The following CHST15 variants were observed in gnomAD, a reference collection of about 807,000 sequenced individuals.
CHST15 encodes carbohydrate sulfotransferase 15.
A neutral mutation model predicts 53.6 loss-of-function variants in CHST15; 30 were observed. The observed-to-expected ratio is 0.56, with a 90% confidence interval of 0.42 to 0.76. The LOEUF is 0.76. Ranked by LOEUF, CHST15 falls within the 30% of genes least tolerant of loss-of-function variation. The pLI, the probability that CHST15 is intolerant of heterozygous loss-of-function variation, is 0.00. For missense variants in CHST15, 627 were observed against 740.5 expected, an observed-to-expected ratio of 0.85 and a Z score of 1.78; for synonymous variants, 296 against 289.8, an observed-to-expected ratio of 1.02 and a Z score of -0.22.
intron 1 of CHST15, among the ~76,000 whole-genome samples, chr10:124,082,894 G>A (rs958941271): frequency 5.9e-5 from 9 of 152,230 alleles, no homozygotes; most frequent in Admixed American, 2.0e-4. Context: ...ACAAGAAGTA[G>A]ATTTGTGGTT....
chr10:124,007,692 C>T lies in CHST15; in HGVS notation c.*2457G>A, dbSNP rs1946307812. The T allele has an allele frequency of 8.2e-7, 1 of 1,221,542 alleles. No individual in the cohort carries two copies. Among genetic ancestry groups the T allele is most frequent in the African/African-American group, 1.6e-5 (1 of 64,386 alleles). The allele number at this position is 1,221,542 out of a possible 1,614,324, so 75.7% of individuals were successfully genotyped here. On this transcript the variant is annotated 3_prime_UTR_variant, in exon 8 of 8. Coordinates refer to ENST00000435907, the MANE Select transcript of CHST15 (RefSeq NM_001270764.2). ...CTTGGCTGCAGAGGAAGAGCACGCG[C>T]TCCACAGGCGTCACTCTTATGGGTC... is the stretch of plus-strand genomic sequence containing the variant.
At chr10:124,010,779 C>A in intron 7 of CHST15, 1 of 985,462 alleles carries the variant, frequency 1.0e-6, no homozygotes, top group Non-Finnish European at 1.2e-6. Flanking sequence ...CTACTTCAGG[C>A]TGCTCATGCC....
rs115866582 is a variant in CHST15, at chr10:124,066,086, C to G, written c.-512-19362G>C. The stretch of plus-strand genomic sequence containing the variant: ...GGTCCCCTCAGTCACTTTTTCCCCT[C>G]TTCTACCCTTCAGAAAAGGCAAAAT... On this transcript the variant is annotated intron_variant, in intron 1 of 7. Transcript: ENST00000435907. Among the ~76,000 whole-genome samples the G allele has an allele frequency of 6.4e-3, 973 of 152,196 alleles. 8 individuals are homozygous for G. The highest frequency in any genetic ancestry group is 0.023 in the African/African-American group (940 of 41,524).
chr10:124,029,904 C>A (rs1947159618), intron 5 of CHST15, among the ~76,000 whole-genome samples: 2 of 152,190 alleles, frequency 1.3e-5, no homozygotes. Flanking sequence ...CCTCCCTGAT[C>A]CCAGCCCAGC....
intron 1 of CHST15, among the ~76,000 whole-genome samples, chr10:124,087,932 G>A (rs1457063170): frequency 4.6e-5 from 7 of 152,334 alleles, no homozygotes; most frequent in Middle Eastern, 3.4e-3. Flanking sequence ...TGTTCTCCTC[G>A]CACAGATGAG....
At chr10:124,049,526 T>A (rs1296646199) in intron 1 of CHST15, among the ~76,000 whole-genome samples, 1 of 152,164 alleles carries the variant, frequency 6.6e-6, no homozygotes, top group Non-Finnish European at 1.5e-5. Flanking sequence ...GGCTGATGAT[T>A]TAACCAATCA....
chr10:124,050,376 T>C (rs769216225), intron 1 of CHST15, among the ~76,000 whole-genome samples: 9 of 152,196 alleles, frequency 5.9e-5, no homozygotes, highest in Non-Finnish European at 1.2e-4. Context: ...ATAAAGGCTA[T>C]GCAGAAAAGA....
Position 124,024,001 on chromosome 10 carries a change from A to G in CHST15, c.1191-2589T>C, listed in dbSNP as rs554715616. ...TGGAATTATAGGCGCCTGCCATCAC[A>G]CCCAGCTGATTTTTTGTATTTTTAG... is the stretch of plus-strand genomic sequence containing the variant. On this transcript the variant is annotated intron_variant, in intron 5 of 7. Transcript: ENST00000435907. The surrounding 1 kb of genome is among the most constrained non-coding windows in gnomAD (Gnocchi z 4.0). 8.0e-4 allele frequency among the ~76,000 whole-genome samples: 122 copies of G among 151,936 alleles called. No individual in the cohort carries two copies. The highest frequency in any genetic ancestry group is 5.4e-3 in the Admixed American group (83 of 15,256).
At chr10:124,037,353 C>T (rs1947535897) in intron 5 of CHST15, among the ~76,000 whole-genome samples, 1 of 152,148 alleles carries the variant, frequency 6.6e-6, no homozygotes, top group African/African-American at 2.4e-5. Flanking sequence ...ATATCGCCAG[C>T]CTCTCCTGTT....
chr10:124,015,172 C>T (rs1163019917), intron 6 of CHST15, among the ~76,000 whole-genome samples: 3 of 152,172 alleles, frequency 2.0e-5, no homozygotes, highest in Non-Finnish European at 4.4e-5. Context: ...CTACTGCAAC[C>T]ATATGCACCA....
intron 1 of CHST15, among the ~76,000 whole-genome samples, chr10:124,082,101 G>T (rs1477996311): frequency 6.6e-6 from 1 of 152,152 alleles, no homozygotes; most frequent in Admixed American, 6.5e-5. Context: ...ACATTGGATG[G>T]ACAGACAGAT....
intron 1 of CHST15, among the ~76,000 whole-genome samples, chr10:124,084,280 C>T (rs1264599777): frequency 6.6e-6 from 1 of 152,180 alleles, no homozygotes; most frequent in African/African-American, 2.4e-5. Flanking sequence ...TCCTGGCTGT[C>T]TTCTCATCTG....
At chr10:124,087,867 C>T (rs1215390645) in intron 1 of CHST15, among the ~76,000 whole-genome samples, 1 of 152,194 alleles carries the variant, frequency 6.6e-6, no homozygotes, top group Non-Finnish European at 1.5e-5. Flanking sequence ...CGGAGCTGCT[C>T]CACAGCCTGG....
At position 124,074,266 on chromosome 10, in the gene CHST15, T is replaced by C. The variant is rs1949009644; in HGVS notation, c.-513+19203A>G. Among the ~76,000 whole-genome samples, 2 of 152,170 alleles carry C rather than the reference T, an allele frequency of 1.3e-5. No homozygotes were observed. Among genetic ancestry groups the C allele is most frequent in the Admixed American group, 1.3e-4 (2 of 15,284 alleles). On this transcript the variant is annotated intron_variant, in intron 1 of 7. Transcript: ENST00000435907. This position sits in a 1 kb window ranked among gnomAD's most constrained non-coding sequence, Gnocchi z 4.4. ...CTTGCACTGATGCCATTAGACAGTT[T>C]CTACTTGGCAAGTTGCTTCAAGAAT...
intron 1 of CHST15, 95 bp downstream of exon 1, chr10:124,093,374 C>G (rs1949668297): frequency 6.6e-6 from 1 of 152,462 alleles, no homozygotes; most frequent in Non-Finnish European, 1.5e-5. Context: ...CTGGCCCGAA[C>G]CCGCGGAGGG....
At chr10:124,033,913 AGCTGC>A (rs1947322043) in intron 5 of CHST15, among the ~76,000 whole-genome samples, 2 of 152,224 alleles carry the variant, frequency 1.3e-5, no homozygotes, top group Admixed American at 1.3e-4. Flanking sequence ...AACTGTTTGA[AGCTGC>A]TAAGTTTTGG....
At chr10:124,066,483 G>A (rs1343414811) in intron 1 of CHST15, among the ~76,000 whole-genome samples, 1 of 151,864 alleles carries the variant, frequency 6.6e-6, no homozygotes, top group East Asian at 1.9e-4. Flanking sequence ...GAGTTTACAC[G>A]GTCACAAAGC....
intron 1 of CHST15, among the ~76,000 whole-genome samples, chr10:124,066,155 T>C (rs1307408398): frequency 1.3e-5 from 2 of 152,150 alleles, no homozygotes; most frequent in Non-Finnish European, 2.9e-5. Flanking sequence ...ATTTAATCAA[T>C]TTGAGAGATT....
At chr10:124,067,906 C>T (rs562822541) in intron 1 of CHST15, among the ~76,000 whole-genome samples, 1 of 152,268 alleles carries the variant, frequency 6.6e-6, no homozygotes, top group Non-Finnish European at 1.5e-5. Context: ...GGAGCCACTG[C>T]GCCTGGCCTA....
Sources: allele counts gnomAD v4.1 joint callset (sites outside exome capture counted in the v4.1 genomes callset), GRCh38; gene constraint gnomAD v4.1.1; non-coding constraint Gnocchi (gnomAD v3.1); transcripts MANE v1.5; gene names NCBI Gene and HGNC (gene_info 2026-07-23, HGNC 2026-07-21).